Variants in POU6F2 observed in about 807,000 individuals in gnomAD.
The protein encoded by POU6F2 is POU domain, class 6, transcription factor 2.
A neutral mutation model predicts 71.3 loss-of-function variants in POU6F2; 31 were observed. The ratio of observed to expected loss-of-function variants is 0.43; its 90% CI spans 0.33 to 0.59. The LOEUF (loss-of-function observed/expected upper bound fraction) is 0.59. Ranked by LOEUF, POU6F2 falls within the 20% of genes least tolerant of loss-of-function variation. POU6F2 has a pLI of 0.04. For synonymous variants in POU6F2, 347 were observed against 355.7 expected, an observed-to-expected ratio of 0.98 and a Z score of 0.27; for missense variants, 783 against 856.8, an observed-to-expected ratio of 0.91 and a Z score of 1.07.
At chr7:39,393,241 C>T (rs777646244) in intron 5 of POU6F2, among the ~76,000 whole-genome samples, 2 of 152,202 alleles carry the variant, frequency 1.3e-5, no homozygotes, top group Non-Finnish European at 2.9e-5. Flanking sequence ...TTCTGCTTTC[C>T]GTTTCATGTA....
Position 39,234,955 on chromosome 7 carries a change from G to A in POU6F2, c.598+27335G>A, listed in dbSNP as rs73695532. On this transcript the variant is annotated intron_variant, in intron 4 of 9. Transcript: ENST00000518318. ...AGGCGTGGCTTTCTCCCTATGTTCA[G>A]AAGCCATTTCTTTCACTCTAATGCA... is the stretch of plus-strand genomic sequence containing the variant. 3.8e-3 allele frequency among the ~76,000 whole-genome samples: 573 copies of A among 152,234 alleles called. 7 individuals carry two copies. Among genetic ancestry groups the A allele is most frequent in the African/African-American group, 0.013 (557 of 41,554 alleles).
At chr7:39,131,907 G>A (rs896561172) in intron 2 of POU6F2, among the ~76,000 whole-genome samples, 1 of 151,884 alleles carries the variant, frequency 6.6e-6, no homozygotes, top group Non-Finnish European at 1.5e-5. Context: ...TCTTTATGGG[G>A]TGCATAAGAT....
intron 2 of POU6F2, among the ~76,000 whole-genome samples, chr7:39,178,941 G>A (rs1235574169): frequency 6.6e-6 from 1 of 152,104 alleles, no homozygotes; most frequent in African/African-American, 2.4e-5. Flanking sequence ...TGTTTTATTA[G>A]GTGAATAAAA....
At chr7:39,439,124 C>G (rs1788324731) in intron 7 of POU6F2, among the ~76,000 whole-genome samples, 1 of 151,470 alleles carries the variant, frequency 6.6e-6, no homozygotes, top group Non-Finnish European at 1.5e-5. Context: ...CCTTCTTTGT[C>G]TTTTTTGATC....
At position 39,303,383 on chromosome 7, in the gene POU6F2, G is replaced by A. The variant is rs769588012; in HGVS notation, c.599-36259G>A. Among the ~76,000 whole-genome samples the A allele has an allele frequency of 5.3e-5, 8 of 152,198 alleles. No homozygotes were observed. The South Asian group carries it at 1.2e-3, about 24-fold the overall frequency. On this transcript the variant is annotated intron_variant, in intron 4 of 9. Coordinates refer to ENST00000518318, the MANE Select transcript of POU6F2 (RefSeq NM_001370959.1). The stretch of plus-strand genomic sequence containing the variant: ...AGGATGGTCTCAATCTCCTGACCTC[G>A]TGATCTGCCTGCCTCAGGCTCCCAA...
chr7:39,300,458 G>A (rs1393386504), intron 4 of POU6F2, among the ~76,000 whole-genome samples: 1 of 152,010 alleles, frequency 6.6e-6, no homozygotes, highest in East Asian at 1.9e-4. Context: ...GCTGGAGCTG[G>A]CCAACAGCCA....
chr7:39,176,184 T>G (rs1793325596), intron 2 of POU6F2, among the ~76,000 whole-genome samples: 1 of 152,156 alleles, frequency 6.6e-6, no homozygotes. Flanking sequence ...CTCTACCACC[T>G]GCTGTGAATT....
At chr7:39,340,444 A>C (rs1785893847) in intron 5 of POU6F2, among the ~76,000 whole-genome samples, 1 of 152,198 alleles carries the variant, frequency 6.6e-6, no homozygotes, top group Non-Finnish European at 1.5e-5. Flanking sequence ...TTATGAATAC[A>C]ACAGTGTCTC....
At chr7:39,175,004 T>C (rs1793301176) in intron 2 of POU6F2, among the ~76,000 whole-genome samples, 1 of 152,192 alleles carries the variant, frequency 6.6e-6, no homozygotes, top group Non-Finnish European at 1.5e-5. Flanking sequence ...GATGCTGTTG[T>C]CTATTCCCTC....
At chr7:39,415,051 T>C (rs1787643316) in intron 6 of POU6F2, among the ~76,000 whole-genome samples, 1 of 152,148 alleles carries the variant, frequency 6.6e-6, no homozygotes, top group South Asian at 2.1e-4. Context: ...GAGACGGAGC[T>C]TCACTCTTGT....
At chr7:39,110,056 A>C (rs1791773061) in intron 2 of POU6F2, among the ~76,000 whole-genome samples, 1 of 152,130 alleles carries the variant, frequency 6.6e-6, no homozygotes, top group Admixed American at 6.5e-5. Flanking sequence ...GGATCACCTG[A>C]GGTCAGGAGT....
intron 9 of POU6F2, among the ~76,000 whole-genome samples, chr7:39,461,408 A>G (rs1009352185): frequency 2.6e-5 from 4 of 152,178 alleles, no homozygotes; most frequent in African/African-American, 9.6e-5. Flanking sequence ...CCGTGCATGC[A>G]TGTGTGTGTT....
At chr7:39,400,540 A>G (rs527828428) in intron 5 of POU6F2, among the ~76,000 whole-genome samples, 1 of 152,138 alleles carries the variant, frequency 6.6e-6, no homozygotes, top group Non-Finnish European at 1.5e-5. Flanking sequence ...GCTGTTAACC[A>G]AGGACTGTCA....
chr7:39,093,249 A>G (rs1380687387), intron 2 of POU6F2, among the ~76,000 whole-genome samples: 1 of 152,094 alleles, frequency 6.6e-6, no homozygotes, highest in Non-Finnish European at 1.5e-5. Flanking sequence ...TAAGGGGAAA[A>G]TGATCAGATT....
intron 4 of POU6F2, among the ~76,000 whole-genome samples, chr7:39,233,860 T>C (rs1794623667): frequency 6.6e-6 from 1 of 152,204 alleles, no homozygotes; most frequent in South Asian, 2.1e-4. Context: ...GTTGTCCTCC[T>C]CTTGTGTTTT....
At chr7:39,374,092 AGAT>A (rs1336773834) in intron 5 of POU6F2, among the ~76,000 whole-genome samples, 2 of 152,140 alleles carry the variant, frequency 1.3e-5, no homozygotes, top group African/African-American at 2.4e-5. Context: ...GGGCAAAGGG[AGAT>A]GATGATAATG....
At chr7:39,214,111 T>C (rs1470882569) in intron 4 of POU6F2, among the ~76,000 whole-genome samples, 1 of 152,236 alleles carries the variant, frequency 6.6e-6, no homozygotes, top group Non-Finnish European at 1.5e-5. Flanking sequence ...GTCAGTTCCC[T>C]GTGCCAAAGT....
At chr7:39,350,340 G>C (rs1177838164) in intron 5 of POU6F2, among the ~76,000 whole-genome samples, 1 of 152,112 alleles carries the variant, frequency 6.6e-6, no homozygotes, top group Non-Finnish European at 1.5e-5. Context: ...GGGGTCCGGG[G>C]AGAAGATTTA....
chr7:39,170,424 A>G (rs1793196251), intron 2 of POU6F2, among the ~76,000 whole-genome samples: 1 of 152,202 alleles, frequency 6.6e-6, no homozygotes, highest in Non-Finnish European at 1.5e-5. Context: ...AGGTCTGTAG[A>G]TGAATTCATA....
Sources: gnomAD v4.1 joint callset for allele counts (sites outside exome capture counted in the v4.1 genomes callset) on GRCh38, gnomAD v4.1.1 for gene constraint, MANE v1.5 for transcripts, NCBI Gene and HGNC (gene_info 2026-07-23, HGNC 2026-07-21) for gene names.